NALCN: variants seen among roughly 807,000 people sequenced by gnomAD.
The protein encoded by NALCN is sodium leak channel, non-selective, also known as sodium leak channel NALCN.
In NALCN, 111 loss-of-function variants were observed where a neutral mutation model predicts 225.3. That is an observed-to-expected ratio of 0.49 (90% CI 0.42 to 0.58). The LOEUF is 0.58. Among genes scored for constraint, NALCN ranks in the 20% least tolerant of loss-of-function variants. NALCN has a pLI of 0.00. For synonymous variants in NALCN, 764 were observed against 769.0 expected (o/e 0.99, Z 0.11); for missense variants, 1,378 against 2,202.4 (o/e 0.63, Z 7.49).
intron 13 of NALCN, 91 bp from the exon 14 acceptor site, chr13:101,192,145 A>G: frequency 7.1e-7 from 1 of 1,417,592 alleles, no homozygotes; most frequent in Non-Finnish European, 9.4e-7. Flanking sequence ...CTTTGATCTC[A>G]ATATTATTGA....
At chr13:101,057,197 A>C (rs936051754) in intron 43 of NALCN, 5 of 152,304 alleles carry the variant, frequency 3.3e-5, no homozygotes, top group African/African-American at 1.2e-4. Flanking sequence ...TATCTATAGA[A>C]AAAAACATGT....
chr13:101,209,175 CTG>C (rs946630988), intron 13 of NALCN, among the ~76,000 whole-genome samples: 6 of 152,104 alleles, frequency 3.9e-5, no homozygotes, highest in Non-Finnish European at 7.4e-5. Flanking sequence ...CTCTCTCTCT[CTG>C]TGTATACCCA....
intron 18 of NALCN, among the ~76,000 whole-genome samples, chr13:101,116,189 CA>C (rs1285912557): frequency 1.3e-5 from 2 of 151,710 alleles, no homozygotes; most frequent in Non-Finnish European, 2.9e-5. Context: ...TTCCCAGTTG[CA>C]AAAATATTAC....
intron 37 of NALCN, among the ~76,000 whole-genome samples, chr13:101,071,038 AACTC>A (rs954082182): frequency 2.0e-5 from 3 of 152,152 alleles, no homozygotes; most frequent in Admixed American, 6.5e-5. Context: ...CTATAGTGAG[AACTC>A]ACTCAGTATC....
chr13:101,318,320 G>T (rs510869), intron 7 of NALCN, among the ~76,000 whole-genome samples: 61,724 of 151,696 alleles, frequency 0.41, 12,871 homozygotes, highest in Middle Eastern at 0.48. Context: ...AGCCAGACAC[G>T]CTGGCTGCGG....
intron 37 of NALCN, among the ~76,000 whole-genome samples, chr13:101,071,332 G>A (rs2032869838): frequency 6.6e-6 from 1 of 152,156 alleles, no homozygotes; most frequent in Admixed American, 6.5e-5. Flanking sequence ...AAGTTCTAGA[G>A]GGCATCTTCT....
At chr13:101,346,087 C>CTCTCTCTCTCTCTCTATATATATATA in intron 6 of NALCN, among the ~76,000 whole-genome samples, 95 of 70,944 alleles carry the variant, frequency 1.3e-3, no homozygotes, top group Middle Eastern at 7.5e-3. Flanking sequence ...CTCTCTCTCT[C>CTCTCTCTCTCTCTCTATATATATATA]TATATATATA....
chr13:101,075,773 C>T, intron 35 of NALCN, 100 bp downstream of exon 35: 1 of 906,140 alleles, frequency 1.1e-6, no homozygotes. Flanking sequence ...TTTGTGATTA[C>T]ATCCCTAAAT....
At chr13:101,288,680 T>C (rs2043431851) in intron 9 of NALCN, among the ~76,000 whole-genome samples, 2 of 152,212 alleles carry the variant, frequency 1.3e-5, no homozygotes, top group South Asian at 4.1e-4. Flanking sequence ...AAATGATTGC[T>C]GTCTTTGTGC....
intron 9 of NALCN, among the ~76,000 whole-genome samples, chr13:101,285,740 T>C (rs954798324): frequency 8.8e-6 from 1 of 113,834 alleles, no homozygotes; most frequent in Non-Finnish European, 2.0e-5. Flanking sequence ...CCTGAATAGC[T>C]CATTCTGAGA....
chr13:101,229,203 A>G (rs933066180), intron 13 of NALCN, among the ~76,000 whole-genome samples, 190 bp downstream of exon 13: 4 of 152,254 alleles, frequency 2.6e-5, no homozygotes, highest in South Asian at 4.1e-4. Context: ...TAATCTGACA[A>G]TGCTGAAAAT....
intron 28 of NALCN, among the ~76,000 whole-genome samples, chr13:101,093,144 TTATAATCCA>T (rs1180889988): frequency 6.6e-6 from 1 of 152,188 alleles, no homozygotes; most frequent in Admixed American, 6.5e-5. Context: ...CACACTGTAT[TTATAATCCA>T]TGATATGTTT....
At chr13:101,129,602 T>C (rs904187630) in intron 17 of NALCN, among the ~76,000 whole-genome samples, 2 of 152,184 alleles carry the variant, frequency 1.3e-5, no homozygotes, top group African/African-American at 4.8e-5. Flanking sequence ...AAAAATGGTG[T>C]TTCAAGAACA....
intron 7 of NALCN, among the ~76,000 whole-genome samples, chr13:101,315,223 G>A (rs1448583748): frequency 2.6e-5 from 4 of 152,018 alleles, no homozygotes; most frequent in East Asian, 1.9e-4. Flanking sequence ...TTGTCAAAAC[G>A]ATAAAATAAT....
intron 10 of NALCN, among the ~76,000 whole-genome samples, chr13:101,270,989 G>A (rs773928442): frequency 1.3e-5 from 2 of 152,178 alleles, no homozygotes; most frequent in Non-Finnish European, 2.9e-5. Flanking sequence ...GTTAGCACAT[G>A]TCTCCTAATT....
At chr13:101,392,814 T>G (rs2047183146) in intron 3 of NALCN, among the ~76,000 whole-genome samples, 1 of 152,180 alleles carries the variant, frequency 6.6e-6, no homozygotes, top group Non-Finnish European at 1.5e-5. Context: ...CTAGAACATT[T>G]AGTAAAGTAG....
Position 101,324,485 on chromosome 13 carries a change from G to T in NALCN, c.799+20781C>A, listed in dbSNP as rs1425459173. ...AGTGGTTTGTAGTTCTCCTTGAAGA[G>T]CTCCTTCACATCCCTTGTAAGTTAG... On this transcript the variant is annotated intron_variant, in intron 7 of 43. Coordinates refer to ENST00000251127, the MANE Select transcript of NALCN (RefSeq NM_052867.4). 4.6e-5 allele frequency among the ~76,000 whole-genome samples: 7 copies of T among 152,286 alleles called. No homozygotes were observed. The East Asian group carries it at 1.4e-3, about 29-fold the overall frequency.
chr13:101,270,089 T>C (rs2042726059), intron 10 of NALCN, among the ~76,000 whole-genome samples: 1 of 152,234 alleles, frequency 6.6e-6, no homozygotes, highest in Non-Finnish European at 1.5e-5. Context: ...CGCATTAGAT[T>C]AAACAATTTG....
chr13:101,153,242 T>C (rs1008896019), intron 15 of NALCN, among the ~76,000 whole-genome samples: 1 of 152,198 alleles, frequency 6.6e-6, no homozygotes, highest in South Asian at 2.1e-4. Context: ...GTAAGTGAGA[T>C]AGCAATATGC....
Sources: gnomAD v4.1 joint callset for allele counts (sites outside exome capture counted in the v4.1 genomes callset) on GRCh38, gnomAD v4.1.1 for gene constraint, MANE v1.5 for transcripts, NCBI Gene and HGNC (gene_info 2026-07-23, HGNC 2026-07-21) for gene names.